The following MYO9A variants were observed in gnomAD, a reference collection of about 807,000 sequenced individuals.
The protein encoded by MYO9A is myosin IXA, also known as unconventional myosin-IXa.
In MYO9A, 103 loss-of-function variants were observed where a neutral mutation model predicts 293.3. That is an observed-to-expected ratio of 0.35 (90% CI 0.30 to 0.41). MYO9A has a LOEUF of 0.41. Among genes scored for constraint, MYO9A ranks in the 10% least tolerant of loss-of-function variants. The pLI is 1.00. For missense variants in MYO9A, 2,685 were observed against 3,033.0 expected (o/e 0.89, Z 2.69); for synonymous variants, 1,001 against 1,035.7 (o/e 0.97, Z 0.64).
intron 26 of MYO9A, chr15:71,892,360 T>C (rs1375071474): frequency 6.6e-6 from 1 of 152,200 alleles, no homozygotes; most frequent in Non-Finnish European, 1.5e-5. Context: ...GTTTATTTCT[T>C]ATTAGTGGAA....
chr15:71,955,556 A>G (rs979126715), intron 14 of MYO9A, among the ~76,000 whole-genome samples: 1 of 152,194 alleles, frequency 6.6e-6, no homozygotes, highest in African/African-American at 2.4e-5. Flanking sequence ...ATTGCTGAGT[A>G]ATGTTACATG....
intron 1 of MYO9A, among the ~76,000 whole-genome samples, chr15:72,050,527 G>A (rs1212851258): frequency 1.3e-5 from 2 of 151,982 alleles, no homozygotes; most frequent in Admixed American, 1.3e-4. Context: ...GAATGGCGTG[G>A]ACCCTGGAGG....
chr15:71,936,093 G>A (rs912214144), intron 16 of MYO9A, among the ~76,000 whole-genome samples: 3 of 152,016 alleles, frequency 2.0e-5, no homozygotes, highest in African/African-American at 7.2e-5. Flanking sequence ...AATGGATAAA[G>A]AAAATGTGGT....
chr15:71,979,103 T>C (rs762454817), intron 11 of MYO9A, among the ~76,000 whole-genome samples: 7 of 152,174 alleles, frequency 4.6e-5, no homozygotes, highest in African/African-American at 1.7e-4. Context: ...AATCTGCAAA[T>C]AGTGATTTTG....
chr15:71,829,410 C>A (rs1315000896), intron 40 of MYO9A, among the ~76,000 whole-genome samples: 1 of 152,068 alleles, frequency 6.6e-6, no homozygotes, highest in Non-Finnish European at 1.5e-5. Flanking sequence ...TCGACCAGAA[C>A]TATTACACAG....
At chr15:72,072,220 C>T (rs1038420658) in intron 1 of MYO9A, among the ~76,000 whole-genome samples, 4 of 151,952 alleles carry the variant, frequency 2.6e-5, no homozygotes, top group Non-Finnish European at 5.9e-5. Context: ...CAAGCTCCGC[C>T]TCCCAGGTTC....
chr15:71,910,134 A>G (rs1395816353), intron 19 of MYO9A, among the ~76,000 whole-genome samples: 2 of 141,048 alleles, frequency 1.4e-5, no homozygotes, highest in Non-Finnish European at 3.1e-5. Flanking sequence ...ACACGTGTAT[A>G]TATATATACG....
At chr15:72,073,730 T>G (rs148313327) in intron 1 of MYO9A, among the ~76,000 whole-genome samples, 1 of 152,174 alleles carries the variant, frequency 6.6e-6, no homozygotes, top group Non-Finnish European at 1.5e-5. Context: ...ACAGACCAAA[T>G]TGAGGTATCT....
rs951966948 is a variant in MYO9A, at chr15:71,968,720, G to GA, written c.1845-596dup. On this transcript the variant is annotated intron_variant, in intron 12 of 41. Coordinates refer to ENST00000356056, the MANE Select transcript of MYO9A (RefSeq NM_006901.4). The stretch of plus-strand genomic sequence containing the variant: ...ATGGAAATACAAAAGTTCAAAAGAG[G>GA]AAAAAAATCATCACTGGTGTAAATA... Among the ~76,000 whole-genome samples, 7 of 151,852 alleles carry GA rather than the reference G, an allele frequency of 4.6e-5. 1 individual carries two copies. Among genetic ancestry groups the GA allele is most frequent in the African/African-American group, 9.7e-5 (4 of 41,320 alleles).
At chr15:72,001,798 G>C (rs1431773540) in intron 8 of MYO9A, among the ~76,000 whole-genome samples, 1 of 151,806 alleles carries the variant, frequency 6.6e-6, no homozygotes, top group Non-Finnish European at 1.5e-5. Context: ...CAAAAACGCA[G>C]TAAAGCCAAA....
At chr15:71,920,333 T>C (rs1369014517) in intron 18 of MYO9A, among the ~76,000 whole-genome samples, 5 of 152,182 alleles carry the variant, frequency 3.3e-5, no homozygotes, top group African/African-American at 4.8e-5. Flanking sequence ...AATTCATATA[T>C]TGAAACCTAA....
rs899530215 is a variant in MYO9A, at chr15:71,825,560, T to C, written c.*1020A>G. 1 of 152,228 alleles carries C rather than the reference T, an allele frequency of 6.6e-6. No individual in the cohort carries two copies. Among genetic ancestry groups the C allele is most frequent in the African/African-American group, 2.4e-5 (1 of 41,460 alleles). 9.4% of individuals were successfully genotyped at this position (152,228 alleles called of 1,614,324 possible). ...CACTTACTTACTTATTCATGCAATATTGTATGTGAATGTTTTTGGAAACTA... is the reference window on the plus strand; with the variant it reads ...CACTTACTTACTTATTCATGCAATACTGTATGTGAATGTTTTTGGAAACTA... On this transcript the variant is annotated 3_prime_UTR_variant, in exon 42 of 42. Transcript: ENST00000356056.
chr15:72,014,219 CTTG>C (rs2077256381), intron 6 of MYO9A, among the ~76,000 whole-genome samples: 1 of 152,178 alleles, frequency 6.6e-6, no homozygotes, highest in Admixed American at 6.5e-5. Context: ...GGTGGTGAAG[CTTG>C]TTAATAGTGT....
rs1289618657 is a variant in MYO9A, at chr15:71,823,082, C to A, written c.*3498G>T. ...ATACAGAATGATGCATGCCCCGCAT[C>A]CAGCTTCCCACCAAGAAGAAAAAAG... On this transcript the variant is annotated 3_prime_UTR_variant, in exon 42 of 42. Transcript: ENST00000356056. 1 of 151,864 alleles carries A rather than the reference C, an allele frequency of 6.6e-6. No individual in the cohort carries two copies. Among genetic ancestry groups the A allele is most frequent in the African/African-American group, 2.4e-5 (1 of 41,312 alleles). The allele number at this position is 151,864 out of a possible 1,614,324, so 9.4% of individuals were successfully genotyped here.
intron 1 of MYO9A, among the ~76,000 whole-genome samples, chr15:72,051,742 G>C (rs2078571229): frequency 6.6e-6 from 1 of 152,092 alleles, no homozygotes; most frequent in Non-Finnish European, 1.5e-5. Context: ...CTAAACTTTG[G>C]GTGCCTACAA....
rs1195212457 is a variant in MYO9A, at chr15:71,823,832, T to TCAAA, written c.*2744_*2747dup. 6 of 152,124 alleles carry TCAAA rather than the reference T, an allele frequency of 3.9e-5. No individual in the cohort carries two copies. The highest frequency in any genetic ancestry group is 1.2e-4 in the African/African-American group (5 of 41,408). 9.4% of individuals were successfully genotyped at this position (152,124 alleles called of 1,614,324 possible). ...CTGCCCCACTGCTGCCATGCAGAGA[T>TCAAA]CAAACAAGCAAAGGAGAAGCACTAT... On this transcript the variant is annotated 3_prime_UTR_variant, in exon 42 of 42. Coordinates refer to ENST00000356056, the MANE Select transcript of MYO9A (RefSeq NM_006901.4).
chr15:71,901,712 A>G (rs1323821376), intron 22 of MYO9A, among the ~76,000 whole-genome samples: 1 of 152,126 alleles, frequency 6.6e-6, no homozygotes, highest in African/African-American at 2.4e-5. Context: ...GGAGGGAAAA[A>G]TGACAAGGTG....
rs1427091169 is a variant in MYO9A, at chr15:71,825,823, A to G, written c.*757T>C. On this transcript the variant is annotated 3_prime_UTR_variant, in exon 42 of 42. Transcript: ENST00000356056. ...AAACATGAGAACAGTATGGCTACTG[A>G]CACTTCAGCCCATGCAATGTATTTG... is the stretch of plus-strand genomic sequence containing the variant. 1 of 152,206 alleles carries G rather than the reference A, an allele frequency of 6.6e-6. No homozygotes were observed. The highest frequency in any genetic ancestry group is 2.4e-5 in the African/African-American group (1 of 41,446). 9.4% of individuals were successfully genotyped at this position (152,206 alleles called of 1,614,324 possible).
At chr15:72,070,287 CA>C (rs1299379891) in intron 1 of MYO9A, among the ~76,000 whole-genome samples, 4 of 142,772 alleles carry the variant, frequency 2.8e-5, no homozygotes, top group Non-Finnish European at 3.1e-5. Context: ...ACTAAAACTA[CA>C]AAAAAAAAAC....
Sources: gnomAD v4.1 joint callset for allele counts (sites outside exome capture counted in the v4.1 genomes callset) on GRCh38, gnomAD v4.1.1 for gene constraint, MANE v1.5 for transcripts, NCBI Gene and HGNC (gene_info 2026-07-23, HGNC 2026-07-21) for gene names.